FRMD4A: variants seen among roughly 807,000 people sequenced by gnomAD.
FRMD4A encodes FERM domain-containing protein 4A.
Under a neutral mutation model 129.1 loss-of-function variants are expected in FRMD4A, and 29 were observed. That is an observed-to-expected ratio of 0.22 (90% CI 0.17 to 0.31). The LOEUF is 0.31. Among genes scored for constraint, FRMD4A ranks in the 10% least tolerant of loss-of-function variants. The pLI is 1.00. For missense variants in FRMD4A, 1,272 were observed against 1,375.8 expected (o/e 0.92, Z 1.19); for synonymous variants, 634 against 571.6 (o/e 1.11, Z -1.56).
chr10:14,110,560 C>G (rs908320912), intron 2 of FRMD4A, among the ~76,000 whole-genome samples: 6 of 152,044 alleles, frequency 3.9e-5, no homozygotes, highest in African/African-American at 1.4e-4. Context: ...ATTGAGACGG[C>G]AAGACTGGAA....
intron 2 of FRMD4A, among the ~76,000 whole-genome samples, chr10:13,862,739 C>T (rs543127567): frequency 2.0e-5 from 3 of 152,168 alleles, no homozygotes; most frequent in Non-Finnish European, 2.9e-5. Flanking sequence ...AAAGGGAGCA[C>T]CTGCCTGTTG....
chr10:14,302,199 A>T (rs963969406), intron 2 of FRMD4A, among the ~76,000 whole-genome samples: 2 of 152,094 alleles, frequency 1.3e-5, no homozygotes, highest in African/African-American at 4.8e-5. Context: ...CTCTATCCAA[A>T]TGCCTGAAGC....
rs920184365 is a variant in FRMD4A at position 13,815,213 on chromosome 10, A to C, written c.112-4305T>G. Among the ~76,000 whole-genome samples the C allele has an allele frequency of 3.3e-5, 5 of 152,236 alleles. No individual in the cohort carries two copies. In the East Asian group the frequency reaches 9.6e-4, roughly 29 times the overall value. ...GATTCAAAACAAGGTTGAGATACAC[A>C]GCATGGAATATTATTTCGCCCTAAA... On this transcript the variant is annotated intron_variant, in intron 3 of 24. Transcript: ENST00000357447.
intron 2 of FRMD4A, among the ~76,000 whole-genome samples, chr10:14,228,067 T>C (rs1228852966): frequency 6.6e-6 from 1 of 152,072 alleles, no homozygotes; most frequent in African/African-American, 2.4e-5. Context: ...AGAGACAGGG[T>C]TTCACCATGT....
chr10:14,210,374 A>T lies in FRMD4A; in HGVS notation c.45+119684T>A, dbSNP rs184305496. 3.1e-4 allele frequency among the ~76,000 whole-genome samples: 47 copies of T among 152,272 alleles called. No homozygotes were observed. In the East Asian group the frequency reaches 8.5e-3, roughly 28 times the overall value. On this transcript the variant is annotated intron_variant, in intron 2 of 24. Coordinates refer to ENST00000357447, the MANE Select transcript of FRMD4A (RefSeq NM_018027.5). Reference sequence around the variant, plus strand: ...CTTCCCAGCCCCAGAACTGGGAGACATTCCTGTTGTTTATAAGCTACTTAG... The same window carrying T: ...CTTCCCAGCCCCAGAACTGGGAGACTTTCCTGTTGTTTATAAGCTACTTAG...
intron 2 of FRMD4A, among the ~76,000 whole-genome samples, chr10:14,035,785 A>C (rs187113268): frequency 5.9e-5 from 9 of 152,314 alleles, no homozygotes; most frequent in African/African-American, 1.9e-4. Flanking sequence ...AAATAGACTA[A>C]AGATATGCAA....
chr10:13,652,991 C>G (rs1158945722), intron 23 of FRMD4A: 6 of 151,592 alleles, frequency 4.0e-5, no homozygotes, highest in Admixed American at 2.0e-4. Context: ...CCAGCTCCCT[C>G]CAGCTGTCAG....
chr10:14,240,471 G>T (rs749272112), intron 2 of FRMD4A, among the ~76,000 whole-genome samples: 1 of 152,070 alleles, frequency 6.6e-6, no homozygotes, highest in Non-Finnish European at 1.5e-5. Context: ...CCTGGCAAAG[G>T]TCTCCTAGCA....
chr10:14,218,011 A>C (rs1843128039), intron 2 of FRMD4A, among the ~76,000 whole-genome samples: 1 of 152,054 alleles, frequency 6.6e-6, no homozygotes, highest in Admixed American at 6.5e-5. Flanking sequence ...TTGTATTTTT[A>C]GTAGAGATGG....
chr10:14,019,995 A>G (rs1426541612), intron 2 of FRMD4A, among the ~76,000 whole-genome samples: 1 of 152,070 alleles, frequency 6.6e-6, no homozygotes, highest in Non-Finnish European at 1.5e-5. Context: ...TGCCTCGGAG[A>G]GAAGCATTTT....
intron 13 of FRMD4A, 41 bp downstream of exon 13, chr10:13,706,996 G>C: frequency 9.6e-7 from 1 of 1,036,282 alleles, no homozygotes. Flanking sequence ...GCCCGGCCGA[G>C]AGCCACGCCA....
At chr10:14,296,558 C>T (rs1846016283) in intron 2 of FRMD4A, among the ~76,000 whole-genome samples, 1 of 152,198 alleles carries the variant, frequency 6.6e-6, no homozygotes, top group Non-Finnish European at 1.5e-5. Context: ...TGATCCCACG[C>T]ATACCAGTGA....
At chr10:14,200,783 C>A (rs1406693062) in intron 2 of FRMD4A, among the ~76,000 whole-genome samples, 4 of 152,108 alleles carry the variant, frequency 2.6e-5, no homozygotes, top group Non-Finnish European at 1.5e-5. Flanking sequence ...CGCTTTTTTC[C>A]GGTGCTTGGG....
intron 12 of FRMD4A, among the ~76,000 whole-genome samples, chr10:13,725,422 T>C (rs1326306549): frequency 6.6e-6 from 1 of 152,258 alleles, no homozygotes; most frequent in African/African-American, 2.4e-5. Flanking sequence ...GGGAGAGATT[T>C]AGACCTGCCC....
intron 2 of FRMD4A, among the ~76,000 whole-genome samples, chr10:14,317,545 C>G (rs919418994): frequency 3.3e-5 from 5 of 152,298 alleles, no homozygotes; most frequent in African/African-American, 1.2e-4. Context: ...AAACTCTAAA[C>G]TTCTTGAGAG....
intron 2 of FRMD4A, among the ~76,000 whole-genome samples, chr10:13,939,974 A>T (rs2095278386): frequency 6.6e-6 from 1 of 152,220 alleles, no homozygotes; most frequent in African/African-American, 2.4e-5. Context: ...CCATGCAAAC[A>T]GCGCAGCTCT....
At chr10:14,321,323 T>C (rs1441887140) in intron 2 of FRMD4A, among the ~76,000 whole-genome samples, 1 of 150,536 alleles carries the variant, frequency 6.6e-6, no homozygotes, top group Non-Finnish European at 1.5e-5. Flanking sequence ...ATTTTACATA[T>C]ATATGAATTA....
intron 2 of FRMD4A, chr10:14,097,184 G>C (rs1440007969): frequency 6.9e-6 from 1 of 145,718 alleles, no homozygotes; most frequent in Admixed American, 6.9e-5. Flanking sequence ...AAAAGAAAAG[G>C]TGTCATTTGT....
At chr10:14,132,556 G>A (rs1034197342) in intron 2 of FRMD4A, among the ~76,000 whole-genome samples, 12 of 152,150 alleles carry the variant, frequency 7.9e-5, no homozygotes, top group African/African-American at 2.9e-4. Flanking sequence ...CTGGGAAAGT[G>A]ATGTGACTCT....
Sources: gnomAD v4.1 joint callset for allele counts (sites outside exome capture counted in the v4.1 genomes callset) on GRCh38, gnomAD v4.1.1 for gene constraint, MANE v1.5 for transcripts, NCBI Gene and HGNC (gene_info 2026-07-23, HGNC 2026-07-21) for gene names.